NRXN3: variants seen among roughly 807,000 people sequenced by gnomAD.
NRXN3 encodes the protein neurexin 3, also known as neurexin III.
A neutral mutation model predicts 137.6 loss-of-function variants in NRXN3; 32 were observed. The ratio of observed to expected loss-of-function variants is 0.23; its 90% CI spans 0.18 to 0.31. NRXN3 has a LOEUF of 0.31. Among genes scored for constraint, NRXN3 ranks in the 10% least tolerant of loss-of-function variants. NRXN3 has a pLI of 1.00. For missense variants in NRXN3, 1,574 were observed against 2,062.5 expected (o/e 0.76, Z 4.59); for synonymous variants, 798 against 784.5 (o/e 1.02, Z -0.29).
chr14:79,436,239 T>A (rs1386050750), intron 15 of NRXN3, among the ~76,000 whole-genome samples: 1 of 152,232 alleles, frequency 6.6e-6, no homozygotes, highest in East Asian at 1.9e-4. Flanking sequence ...CACTTCTTTC[T>A]GTCTTTGGTG....
intron 2 of NRXN3, among the ~76,000 whole-genome samples, chr14:78,266,280 C>T (rs1429081867): frequency 6.6e-6 from 1 of 151,938 alleles, no homozygotes; most frequent in Non-Finnish European, 1.5e-5. Flanking sequence ...ACTCTCTCTC[C>T]TCTTACTTAA....
chr14:79,492,972 A>G (rs1451621419), intron 16 of NRXN3, among the ~76,000 whole-genome samples: 3 of 152,228 alleles, frequency 2.0e-5, no homozygotes, highest in East Asian at 1.9e-4. Flanking sequence ...TGCCAAAAAC[A>G]TGCCCAACAG....
rs575845238 is a variant in NRXN3, at chr14:78,950,236, G to A, written c.2276-7006G>A. Among the ~76,000 whole-genome samples the A allele has an allele frequency of 7.1e-4, 108 of 152,280 alleles. 1 individual carries two copies. The highest frequency in any genetic ancestry group is 2.4e-3 in the African/African-American group (99 of 41,562). ...TTATCTCTTGAAAAGTGGTTTCATG[G>A]AGAGAGATTATCGCAAGAAAGCTTG... On this transcript the variant is annotated intron_variant, in intron 10 of 20. Coordinates refer to ENST00000335750, the MANE Select transcript of NRXN3 (RefSeq NM_001330195.2).
At position 79,032,948 on chromosome 14, in the gene NRXN3, T is replaced by C. The variant is rs529024458; in HGVS notation, c.3262+44807T>C. ...GTAGGAAAAATTAGTTAATACCAGT[T>C]AAGATGATTTGTAGAGAAATGGCAC... is the stretch of plus-strand genomic sequence containing the variant. On this transcript the variant is annotated intron_variant, in intron 15 of 20. Coordinates refer to ENST00000335750, the MANE Select transcript of NRXN3 (RefSeq NM_001330195.2). Among the ~76,000 whole-genome samples the C allele has an allele frequency of 3.3e-5, 5 of 152,304 alleles. No homozygotes were observed. The East Asian group carries it at 9.7e-4, about 29-fold the overall frequency.
chr14:78,297,981 GC>G, intron 4 of NRXN3, 121 bp downstream of exon 4: 1 of 1,190,868 alleles, frequency 8.4e-7, no homozygotes, highest in Non-Finnish European at 1.2e-6. Flanking sequence ...CCTGCGCTGG[GC>G]CAGGCTGGCT....
intron 20 of NRXN3, among the ~76,000 whole-genome samples, chr14:79,829,414 C>A (rs1477741765): frequency 6.6e-6 from 1 of 152,144 alleles, no homozygotes; most frequent in Non-Finnish European, 1.5e-5. Flanking sequence ...TGTTATTGCC[C>A]ATGCATGGTC....
intron 4 of NRXN3, among the ~76,000 whole-genome samples, chr14:78,549,635 A>G (rs1438881144): frequency 6.6e-6 from 1 of 152,226 alleles, no homozygotes; most frequent in Non-Finnish European, 1.5e-5. Context: ...AAATAAATGT[A>G]TGGATGAACT....
chr14:79,351,331 A>G (rs2093197378), intron 15 of NRXN3, among the ~76,000 whole-genome samples: 1 of 152,196 alleles, frequency 6.6e-6, no homozygotes, highest in Non-Finnish European at 1.5e-5. Flanking sequence ...TGGACAAATC[A>G]TGACCGCAGG....
chr14:78,405,844 AC>A (rs2092451514), intron 4 of NRXN3, among the ~76,000 whole-genome samples: 2 of 152,302 alleles, frequency 1.3e-5, no homozygotes, highest in African/African-American at 4.8e-5. Flanking sequence ...AGGGTGTCAA[AC>A]CCAGGAGTCC....
intron 4 of NRXN3, among the ~76,000 whole-genome samples, chr14:78,622,889 A>G (rs931721069): frequency 6.6e-6 from 1 of 152,228 alleles, no homozygotes; most frequent in African/African-American, 2.4e-5. Context: ...AGTAACTGAT[A>G]TGACTTATTT....
intron 20 of NRXN3, among the ~76,000 whole-genome samples, chr14:79,818,296 G>A (rs1260871588): frequency 2.0e-5 from 3 of 151,926 alleles, no homozygotes; most frequent in East Asian, 1.9e-4. Context: ...CTCGTGATCC[G>A]CCCGCCTCGG....
intron 8 of NRXN3, among the ~76,000 whole-genome samples, chr14:78,737,738 A>G (rs1374423424): frequency 2.6e-5 from 4 of 152,160 alleles, no homozygotes; most frequent in African/African-American, 9.7e-5. Flanking sequence ...CAAGAGCAGC[A>G]TGTGTCTCCT....
chr14:78,448,590 C>A (rs540980622), intron 4 of NRXN3, among the ~76,000 whole-genome samples: 4 of 152,296 alleles, frequency 2.6e-5, no homozygotes, highest in African/African-American at 9.6e-5. Flanking sequence ...TCCCTTAGAT[C>A]TCTGAACTGG....
chr14:79,838,148 G>A (rs546686536), intron 20 of NRXN3, among the ~76,000 whole-genome samples: 7 of 152,222 alleles, frequency 4.6e-5, no homozygotes, highest in African/African-American at 9.6e-5. Flanking sequence ...ATTTTACAAA[G>A]ACAATACTTA....
At chr14:79,763,083 A>G (rs778740953) in intron 19 of NRXN3, among the ~76,000 whole-genome samples, 2 of 145,192 alleles carry the variant, frequency 1.4e-5, no homozygotes, top group Non-Finnish European at 3.0e-5. Flanking sequence ...ATGCGTTCTC[A>G]TTGTTCAACT....
chr14:79,215,313 T>G (rs1353618835), intron 15 of NRXN3, among the ~76,000 whole-genome samples: 3 of 152,172 alleles, frequency 2.0e-5, no homozygotes, highest in African/African-American at 2.4e-5. Flanking sequence ...CTTGGTCAAA[T>G]AATATTTATT....
At position 78,443,271 on chromosome 14, in the gene NRXN3, TC is replaced by T. The variant is rs544226941; in HGVS notation, c.757+145412del. Among the ~76,000 whole-genome samples the T allele has an allele frequency of 2.2e-4, 34 of 152,222 alleles. 1 individual carries two copies. In the South Asian group the frequency reaches 6.8e-3, roughly 31 times the overall value. ...AGAGAAAGCCCTGCTTATTCAGGGG[TC>T]TTTGTTTTACAAGTTGTCTCTGTAT... is the stretch of plus-strand genomic sequence containing the variant. On this transcript the variant is annotated intron_variant, in intron 4 of 20. Coordinates refer to ENST00000335750, the MANE Select transcript of NRXN3 (RefSeq NM_001330195.2).
At chr14:79,689,320 G>T (rs566771421) in intron 17 of NRXN3, among the ~76,000 whole-genome samples, 15 of 152,144 alleles carry the variant, frequency 9.9e-5, no homozygotes, top group African/African-American at 3.6e-4. Context: ...TATTTAGAAG[G>T]TTGTTTGCGC....
At chr14:78,917,623 A>G (rs750028945) in intron 10 of NRXN3, among the ~76,000 whole-genome samples, 3 of 152,206 alleles carry the variant, frequency 2.0e-5, no homozygotes, top group Admixed American at 6.5e-5. Context: ...TGATGAAAGA[A>G]GGTGTAGAAG....
Sources: allele counts gnomAD v4.1 joint callset (sites outside exome capture counted in the v4.1 genomes callset), GRCh38; gene constraint gnomAD v4.1.1; transcripts MANE v1.5; gene names NCBI Gene and HGNC (gene_info 2026-07-23, HGNC 2026-07-21).